The following MCC variants were observed in gnomAD, a reference collection of about 807,000 sequenced individuals.
MCC encodes the protein MCC regulator of Wnt signaling pathway, also known as colorectal mutant cancer protein.
In MCC, 90 loss-of-function variants were observed where a neutral mutation model predicts 116.2. That is an observed-to-expected ratio of 0.77 (90% CI 0.65 to 0.92). The LOEUF (loss-of-function observed/expected upper bound fraction) is 0.92. MCC is among the 40% of genes least tolerant of loss of function. MCC has a pLI of 0.00. For missense variants in MCC, 1,516 were observed against 1,312.2 expected (o/e 1.16, Z -2.40); for synonymous variants, 578 against 510.5 (o/e 1.13, Z -1.78).
intron 10 of MCC, among the ~76,000 whole-genome samples, chr5:113,083,243 G>A (rs1018402604): frequency 2.0e-5 from 3 of 151,694 alleles, no homozygotes; most frequent in Non-Finnish European, 2.9e-5. Context: ...CCCCAAGCAC[G>A]TGGTGCTGGG....
At chr5:113,246,225 A>G (rs1764569558) in intron 3 of MCC, among the ~76,000 whole-genome samples, 1 of 152,216 alleles carries the variant, frequency 6.6e-6, no homozygotes, top group South Asian at 2.1e-4. Flanking sequence ...CAGTTAAAAC[A>G]TGTTTCCACT....
At chr5:113,363,035 T>G (rs978817415) in intron 2 of MCC, among the ~76,000 whole-genome samples, 1 of 151,886 alleles carries the variant, frequency 6.6e-6, no homozygotes, top group Non-Finnish European at 1.5e-5. Context: ...ATCCCAGCAC[T>G]TTGGGAGACA....
At chr5:113,080,028 T>G (rs1332156793) in intron 11 of MCC, among the ~76,000 whole-genome samples, 5 of 152,222 alleles carry the variant, frequency 3.3e-5, no homozygotes, top group Non-Finnish European at 7.3e-5. Context: ...AAGACATTTA[T>G]GCAGCCAACA....
chr5:113,073,263 G>T (rs1365095986), intron 11 of MCC, among the ~76,000 whole-genome samples: 1 of 152,120 alleles, frequency 6.6e-6, no homozygotes, highest in African/African-American at 2.4e-5. Flanking sequence ...CCCAGCTGCA[G>T]TTTCCACTGC....
chr5:113,120,296 T>C (rs565648761), intron 6 of MCC, among the ~76,000 whole-genome samples: 25 of 152,286 alleles, frequency 1.6e-4, no homozygotes, highest in African/African-American at 5.8e-4. Flanking sequence ...TGCAGGGAGT[T>C]GTGTGTATTG....
In MCC at chr5:113,235,449, G is replaced by A. The variant is rs376030315; in HGVS notation, c.628-84027C>T. ...AGTTTCTTCATTCCACTAAACAAGA[G>A]AGAGGTAAATAATCCTCAGAGGAAA... On this transcript the variant is annotated intron_variant, in intron 3 of 18. Coordinates refer to ENST00000408903, the MANE Select transcript of MCC (RefSeq NM_001085377.2). Among the ~76,000 whole-genome samples the A allele has an allele frequency of 4.6e-5, 7 of 152,302 alleles. No individual in the cohort carries two copies. The East Asian group carries it at 1.2e-3, about 25-fold the overall frequency.
chr5:113,036,714 C>G (rs1386514260), intron 17 of MCC, among the ~76,000 whole-genome samples: 1 of 152,064 alleles, frequency 6.6e-6, no homozygotes, highest in Non-Finnish European at 1.5e-5. Flanking sequence ...GTGCCCTCTA[C>G]CACTCTGCCT....
chr5:113,121,735 A>C (rs571802563), intron 6 of MCC, among the ~76,000 whole-genome samples: 20 of 152,214 alleles, frequency 1.3e-4, no homozygotes, highest in Non-Finnish European at 2.8e-4. Flanking sequence ...CTCATTATAA[A>C]ACTCAAGAAA....
intron 1 of MCC, among the ~76,000 whole-genome samples, chr5:113,449,552 T>C (rs1291869356): frequency 6.6e-6 from 1 of 152,206 alleles, no homozygotes; most frequent in African/African-American, 2.4e-5. Flanking sequence ...CCTGTGATGA[T>C]TTCTGTGAGG....
intron 3 of MCC, among the ~76,000 whole-genome samples, chr5:113,204,780 AC>A (rs1762838343): frequency 6.6e-6 from 1 of 152,212 alleles, no homozygotes; most frequent in Non-Finnish European, 1.5e-5. Flanking sequence ...TGATCATATT[AC>A]CTTTTGCCAT....
intron 1 of MCC, among the ~76,000 whole-genome samples, chr5:113,407,447 A>G (rs1390287783): frequency 6.6e-6 from 1 of 152,146 alleles, no homozygotes; most frequent in Non-Finnish European, 1.5e-5. Context: ...GCATCTGCAA[A>G]AACTGCAAAA....
At chr5:113,081,684 A>T (rs1048294709) in intron 11 of MCC, among the ~76,000 whole-genome samples, 5 of 152,202 alleles carry the variant, frequency 3.3e-5, no homozygotes, top group African/African-American at 4.8e-5. Context: ...CTGCTTCTTT[A>T]CTGCCACTAA....
At chr5:113,259,398 T>C (rs1483034396) in intron 3 of MCC, among the ~76,000 whole-genome samples, 1 of 152,080 alleles carries the variant, frequency 6.6e-6, no homozygotes, top group African/African-American at 2.4e-5. Context: ...TAAATTCTAA[T>C]CCCATAAATC....
At position 113,026,450 on chromosome 5, in the gene MCC, T is replaced by C. The variant is rs1189921550; in HGVS notation, c.*852A>G. 2.0e-5 allele frequency: 3 copies of C among 152,240 alleles called. No individual in the cohort carries two copies. Among genetic ancestry groups the C allele is most frequent in the Non-Finnish European group, 4.4e-5 (3 of 68,066 alleles). The allele number at this position is 152,240 out of a possible 1,614,324, so 9.4% of individuals were successfully genotyped here. On this transcript the variant is annotated 3_prime_UTR_variant, in exon 19 of 19. Transcript: ENST00000408903. ...GGGCGGGAAGTGCTAATAATGTTTCTCAGCTCTTGAAGAAACCCCTGACAG... is the reference window on the plus strand; with the variant it reads ...GGGCGGGAAGTGCTAATAATGTTTCCCAGCTCTTGAAGAAACCCCTGACAG...
intron 1 of MCC, among the ~76,000 whole-genome samples, chr5:113,486,463 T>C (rs1231255187): frequency 2.0e-5 from 3 of 152,208 alleles, no homozygotes; most frequent in Non-Finnish European, 4.4e-5. Context: ...GTAGTTCAGA[T>C]AAAGCAATAT....
chr5:113,170,740 G>T (rs1243755840), intron 3 of MCC, among the ~76,000 whole-genome samples: 1 of 152,082 alleles, frequency 6.6e-6, no homozygotes, highest in Non-Finnish European at 1.5e-5. Flanking sequence ...TTGACAAGAA[G>T]TTATAGACTT....
intron 3 of MCC, among the ~76,000 whole-genome samples, chr5:113,296,988 T>C (rs1766730470): frequency 6.6e-6 from 1 of 152,228 alleles, no homozygotes; most frequent in South Asian, 2.1e-4. Flanking sequence ...GCAGTGTCTG[T>C]AGATTCTACT....
intron 3 of MCC, among the ~76,000 whole-genome samples, chr5:113,164,984 T>C (rs1417113773): frequency 2.0e-5 from 3 of 152,174 alleles, no homozygotes; most frequent in Non-Finnish European, 4.4e-5. Context: ...AAAGGCGCTG[T>C]TCTACCCAAA....
chr5:113,410,101 A>G (rs1471917386), intron 1 of MCC, among the ~76,000 whole-genome samples: 1 of 152,194 alleles, frequency 6.6e-6, no homozygotes, highest in Non-Finnish European at 1.5e-5. Context: ...TCTCCGTATA[A>G]CTTCCCCCAA....
Sources: gnomAD v4.1 joint callset for allele counts (sites outside exome capture counted in the v4.1 genomes callset) on GRCh38, gnomAD v4.1.1 for gene constraint, MANE v1.5 for transcripts, NCBI Gene and HGNC (gene_info 2026-07-23, HGNC 2026-07-21) for gene names.